Variants in FAM53A observed in about 807,000 individuals in gnomAD.
FAM53A encodes the protein protein FAM53A.
Under a neutral mutation model 26.6 loss-of-function variants are expected in FAM53A, and 28 were observed. The ratio of observed to expected loss-of-function variants is 1.05; its 90% CI spans 0.78 to 1.45. The LOEUF is 1.45. FAM53A is among the 40% of genes most tolerant of loss of function. FAM53A has a pLI of 0.00. For missense variants in FAM53A, 650 were observed against 575.8 expected (o/e 1.13, Z -1.32); for synonymous variants, 290 against 253.1 (o/e 1.15, Z -1.38).
upstream of FAM53A, among the ~76,000 whole-genome samples, chr4:1,684,696 C>T (rs1018667838): frequency 6.6e-6 from 1 of 152,064 alleles, no homozygotes; most frequent in East Asian, 1.9e-4. Context: ...GTGACCCAGC[C>T]CGGGGCGCGC....
At chr4:1,605,671 C>G in the FAM53A span, among the ~76,000 whole-genome samples, 4 of 152,274 alleles carry the variant, frequency 2.6e-5, no homozygotes, top group African/African-American at 7.2e-5. This position sits in a 1 kb window ranked among gnomAD's most constrained non-coding sequence, Gnocchi z 5.7. Flanking sequence ...GGCTCCCTGC[C>G]GACCCTGCAG....
chr4:1,647,437 C>G (rs1286250978), intron 4 of FAM53A, among the ~76,000 whole-genome samples: 1 of 152,038 alleles, frequency 6.6e-6, no homozygotes, highest in East Asian at 1.9e-4. Flanking sequence ...GCACCCTGCT[C>G]AGAGAGCAGC....
At chr4:1,586,656 G>A in the FAM53A span, among the ~76,000 whole-genome samples, 466 of 151,662 alleles carry the variant, frequency 3.1e-3, 1 homozygote, top group African/African-American at 0.011. Flanking sequence ...GGTGGCGGGC[G>A]CCTGTAGTCC....
intron 3 of FAM53A, 78 bp from the exon 4 acceptor site, chr4:1,655,801 C>G (rs1577126431): frequency 7.0e-7 from 1 of 1,428,150 alleles, no homozygotes; most frequent in East Asian, 2.6e-5. Flanking sequence ...CGGCAAACAG[C>G]CTGGCAGAGC....
intron 4 of FAM53A, among the ~76,000 whole-genome samples, chr4:1,645,917 C>T (rs76997415): frequency 0.025 from 3,747 of 152,224 alleles, 124 homozygotes; most frequent in African/African-American, 0.063. Context: ...TCAGGTCCTG[C>T]GGGCCTGCAC....
At chr4:1,679,652 C>T (rs1200983085) in intron 1 of FAM53A, among the ~76,000 whole-genome samples, 1 of 147,476 alleles carries the variant, frequency 6.8e-6, no homozygotes, top group Non-Finnish European at 1.5e-5. Flanking sequence ...CACCACTGCA[C>T]TCCAGGCTAG....
intron 4 of FAM53A, among the ~76,000 whole-genome samples, chr4:1,648,445 A>G (rs924350250): frequency 2.6e-5 from 4 of 152,160 alleles, no homozygotes; most frequent in Admixed American, 2.0e-4. Flanking sequence ...GAGAGCAGGC[A>G]GCCCTGGCCC....
chr4:1,617,563 AGAG>A (rs1010841028), downstream of FAM53A, among the ~76,000 whole-genome samples: 2 of 152,190 alleles, frequency 1.3e-5, no homozygotes, highest in African/African-American at 4.8e-5. Context: ...AGGAAACTCA[AGAG>A]GAGAAGGAAA....
chr4:1,602,917 T>C, the FAM53A span, among the ~76,000 whole-genome samples: 1 of 152,128 alleles, frequency 6.6e-6, no homozygotes, highest in Non-Finnish European at 1.5e-5. Flanking sequence ...GCCCCCTCCG[T>C]CTACCCGCCA....
chr4:1,606,815 T>C, the FAM53A span, among the ~76,000 whole-genome samples: 1 of 152,184 alleles, frequency 6.6e-6, no homozygotes, highest in Middle Eastern at 3.2e-3. Context: ...TGAATGCGGG[T>C]GCAGCTGTCC....
At chr4:1,606,436 G>A in the FAM53A span, among the ~76,000 whole-genome samples, 1 of 151,938 alleles carries the variant, frequency 6.6e-6, no homozygotes, top group African/African-American at 2.4e-5. Context: ...GGCTCCTCGC[G>A]GGACTGCTAA....
chr4:1,668,558 C>T (rs1714406066), intron 2 of FAM53A, 109 bp downstream of exon 2: 1 of 1,297,376 alleles, frequency 7.7e-7, no homozygotes, highest in Admixed American at 1.8e-5. Context: ...CAGCAGGGCC[C>T]CCCAGGCCCC....
rs200847112 is a variant in FAM53A at position 1,655,423 on chromosome 4, G to C, written c.437C>G (p.Thr146Ser). The C allele has an allele frequency of 6.0e-4, 907 of 1,500,844 alleles. 9 individuals carry two copies. The East Asian group carries it at 0.019, about 32-fold the overall frequency. 93.0% of individuals were successfully genotyped at this position (1,500,844 alleles called of 1,614,324 possible). A position where few individuals can be genotyped will look rare whatever the true frequency, so the allele number is the denominator to read the frequency against. Residue 146 changes from threonine to serine, a missense_variant, in exon 4 of 5, where the codon ACT becomes AGT. Coordinates refer to ENST00000308132, the MANE Select transcript of FAM53A (RefSeq NM_001174070.3). ...GTCGCACCGCCTCTTGGAGACTGGA[G>C]TCCAGACCTTGGAGCTGCCGGGGCG... is the stretch of plus-strand genomic sequence containing the variant. ...PWRPGSSKVW[T>S]PVSKRRCDSG...
the FAM53A span, among the ~76,000 whole-genome samples, chr4:1,586,067 A>G: frequency 6.6e-6 from 1 of 152,180 alleles, no homozygotes; most frequent in Non-Finnish European, 1.5e-5. Context: ...GTAGTACTCA[A>G]TTGTGTATAT....
At chr4:1,631,042 CAAAA>C (rs1715590531) in intron 1 of FAM53A, among the ~76,000 whole-genome samples, 1 of 151,952 alleles carries the variant, frequency 6.6e-6, no homozygotes, top group Non-Finnish European at 1.5e-5. Flanking sequence ...GACCCTGTCT[CAAAA>C]ATAATATAAT....
chr4:1,603,411 G>A, the FAM53A span, among the ~76,000 whole-genome samples: 2 of 152,210 alleles, frequency 1.3e-5, no homozygotes, highest in Non-Finnish European at 2.9e-5. Flanking sequence ...ACAGAGAGGC[G>A]GGGACAGAGG....
the FAM53A span, among the ~76,000 whole-genome samples, chr4:1,612,054 C>T: frequency 6.6e-6 from 1 of 152,192 alleles, no homozygotes; most frequent in Non-Finnish European, 1.5e-5. Context: ...AATGAGTTCC[C>T]TGTGCCCATA....
chr4:1,650,109 G>A (rs1463452873), intron 4 of FAM53A, among the ~76,000 whole-genome samples: 1 of 145,168 alleles, frequency 6.9e-6, no homozygotes, highest in Admixed American at 6.8e-5. Flanking sequence ...GCGTTTGACT[G>A]TGAGGTGGCA....
chr4:1,667,121 C>G (rs1312932131), intron 2 of FAM53A, among the ~76,000 whole-genome samples: 1 of 137,998 alleles, frequency 7.2e-6, no homozygotes, highest in African/African-American at 2.6e-5. Context: ...GAGCAAGACT[C>G]CATCTCAAAA....
Sources: allele counts gnomAD v4.1 joint callset (sites outside exome capture counted in the v4.1 genomes callset), GRCh38; gene constraint gnomAD v4.1.1; non-coding constraint Gnocchi (gnomAD v3.1); transcripts MANE v1.5; gene names NCBI Gene and HGNC (gene_info 2026-07-23, HGNC 2026-07-21).